The following FREM1 variants were observed in gnomAD, a reference collection of about 807,000 sequenced individuals.
FREM1 encodes the protein FRAS1-related extracellular matrix protein 1.
Under a neutral mutation model 210.1 loss-of-function variants are expected in FREM1, and 220 were observed. The ratio of observed to expected loss-of-function variants is 1.05; its 90% CI spans 0.94 to 1.17. The LOEUF (loss-of-function observed/expected upper bound fraction) is 1.17, where lower values mean the gene tolerates loss of function less well. Ranked by LOEUF, FREM1 falls within the 50% of genes most tolerant of loss-of-function variation. The probability of loss-of-function intolerance (pLI) is 0.00; values close to 1 mark genes in which losing one functional copy is unlikely to be tolerated. For missense variants in FREM1, 3,454 were observed against 2,675.5 expected, an observed-to-expected ratio of 1.29 and a Z score of -6.42; for synonymous variants, 1,189 against 980.2, an observed-to-expected ratio of 1.21 and a Z score of -3.98.
chr9:14,804,891 G>T, intron 19 of FREM1, 65 bp downstream of exon 19: 1 of 1,230,076 alleles, frequency 8.1e-7, no homozygotes, highest in African/African-American at 1.5e-5. Context: ...CAATGTAAAT[G>T]GACTAATTGA....
Position 14,819,442 on chromosome 9 carries a change from C to A in FREM1, c.2338G>T (p.Ala780Ser), listed in dbSNP as rs1564002078. 1 of 1,602,600 alleles carries A rather than the reference C, an allele frequency of 6.2e-7. No individual in the cohort carries two copies. Among genetic ancestry groups the A allele is most frequent in the East Asian group, 2.2e-5 (1 of 44,808 alleles). The part of the protein sequence containing the change: ...ILPVDNQVPE[A>S]FTNPLKVTEG... ...GTCACTTTCAGAGGGTTGGTGAACGCCTAGAAAGAAGAAAGGAAGGAAACA... is the reference window on the plus strand; with the variant it reads ...GTCACTTTCAGAGGGTTGGTGAACGACTAGAAAGAAGAAAGGAAGGAAACA... The change falls in exon 14 of 37, where the codon GCG becomes TCG. Residue 780 changes from alanine (A) to serine (S), a missense_variant and splice_region_variant. Ala to Ser is a moderately conservative substitution (Grantham distance 99). Transcript: ENST00000380880.
intron 16 of FREM1, among the ~76,000 whole-genome samples, chr9:14,811,934 G>C (rs776677179): frequency 6.6e-6 from 1 of 152,120 alleles, no homozygotes; most frequent in Non-Finnish European, 1.5e-5. Context: ...TGAGTAGACA[G>C]GAAATTGCAC....
chr9:14,869,798 G>C (rs1832249325), intron 1 of FREM1, among the ~76,000 whole-genome samples: 1 of 152,180 alleles, frequency 6.6e-6, no homozygotes, highest in Non-Finnish European at 1.5e-5. Flanking sequence ...GGTAATTACA[G>C]AAAATATGCT....
intron 5 of FREM1, among the ~76,000 whole-genome samples, chr9:14,854,791 G>T (rs764099773): frequency 6.6e-6 from 1 of 152,044 alleles, no homozygotes; most frequent in South Asian, 2.1e-4. Context: ...AAGATATAAT[G>T]GGAGAAAAAT....
rs1824646139 is a variant in FREM1, at chr9:14,836,542, C to A, written c.1881+4905G>T. 1.3e-5 allele frequency among the ~76,000 whole-genome samples: 2 copies of A among 152,190 alleles called. No homozygotes were observed. Among genetic ancestry groups the A allele is most frequent in the South Asian group, 2.1e-4 (1 of 4,818 alleles). ...GGCTTCAGCCCTGGGCGGCTACAAT[C>A]CCTCTTTAATAAATTCCAGTCTTCT... On this transcript the variant is annotated intron_variant, in intron 10 of 36. Coordinates refer to ENST00000380880, the MANE Select transcript of FREM1 (RefSeq NM_001379081.2). This position sits in a 1 kb window ranked among gnomAD's most constrained non-coding sequence, Gnocchi z 4.9.
Position 14,857,462 on chromosome 9 carries a change from C to A in FREM1, c.828+91G>T, listed in dbSNP as rs1420410515. On this transcript the variant is annotated intron_variant, in intron 5 of 36. Coordinates refer to ENST00000380880, the MANE Select transcript of FREM1 (RefSeq NM_001379081.2). ...TTACCCCCAAAAGCACAGGAACTCT[C>A]CCTGGCATGGGGGCGAGCATGAGTA... is the stretch of plus-strand genomic sequence containing the variant. The A allele has an allele frequency of 2.7e-6, 3 of 1,107,736 alleles. No individual in the cohort carries two copies. The African/African-American group carries it at 4.6e-5, about 17-fold the overall frequency. 68.6% of individuals were successfully genotyped at this position (1,107,736 alleles called of 1,614,324 possible). A position where few individuals can be genotyped will look rare whatever the true frequency, so the allele number is the denominator to read the frequency against.
At chr9:14,769,892 T>C (rs1301246224) in intron 26 of FREM1, 24 bp from the exon 27 acceptor site, 28 of 1,163,612 alleles carry the variant, frequency 2.4e-5, no homozygotes, top group Non-Finnish European at 3.4e-5. Flanking sequence ...TAAATGAATA[T>C]CATGGGTAAT....
chr9:14,852,061 A>G, intron 5 of FREM1, among the ~76,000 whole-genome samples: 1 of 152,238 alleles, frequency 6.6e-6, no homozygotes, highest in East Asian at 1.9e-4. Flanking sequence ...AAATAGCCAA[A>G]GTAGGCACTT....
In FREM1 at chr9:14,859,351, C is replaced by T; in HGVS notation, c.463G>A (p.Asp155Asn). The change falls in exon 4 of 37, where the codon GAT becomes AAT. Residue 155 changes from aspartate (D) to asparagine (N), a missense_variant. Asp to Asn is a conservative substitution (Grantham distance 23). Coordinates refer to ENST00000380880, the MANE Select transcript of FREM1 (RefSeq NM_001379081.2). ...TAATCGAATCTGAGCAGATTTTTATCAATCGCTTGGGACAAGCCATTGAAT... is the reference window on the plus strand; with the variant it reads ...TAATCGAATCTGAGCAGATTTTTATTAATCGCTTGGGACAAGCCATTGAAT... Reference protein sequence around the residue: ...PEFNGLSQAIDKNLLRFDYDR... With the variant: ...PEFNGLSQAINKNLLRFDYDR... 1 of 1,613,888 alleles carries T rather than the reference C, an allele frequency of 6.2e-7. No individual in the cohort carries two copies. The highest frequency in any genetic ancestry group is 1.1e-5 in the South Asian group (1 of 91,062).
intron 10 of FREM1, among the ~76,000 whole-genome samples, chr9:14,838,192 G>C (rs1306771822): frequency 6.6e-6 from 1 of 152,136 alleles, no homozygotes; most frequent in East Asian, 1.9e-4. Context: ...CATTGTTGTA[G>C]ACAAAATTGG....
chr9:14,763,789 T>C (rs1347965418), intron 27 of FREM1, among the ~76,000 whole-genome samples: 1 of 152,244 alleles, frequency 6.6e-6, no homozygotes, highest in Non-Finnish European at 1.5e-5. Context: ...GCAAGCATGC[T>C]ATCACATTGA....
chr9:14,864,404 G>A (rs965918325), intron 2 of FREM1, among the ~76,000 whole-genome samples: 5 of 151,934 alleles, frequency 3.3e-5, no homozygotes, highest in African/African-American at 1.2e-4. Context: ...ATTCAAAGAT[G>A]AAGCCACTGA....
chr9:14,849,362 T>C (rs1340220474), intron 6 of FREM1, among the ~76,000 whole-genome samples: 3 of 152,222 alleles, frequency 2.0e-5, no homozygotes, highest in African/African-American at 4.8e-5. Flanking sequence ...ACTAGACATA[T>C]TTTTAAATAT....
chr9:14,877,208 C>G (rs1056973955), intron 1 of FREM1, among the ~76,000 whole-genome samples: 1 of 152,032 alleles, frequency 6.6e-6, no homozygotes, highest in Admixed American at 6.6e-5. Context: ...TAATGGACCT[C>G]AAACTTACAC....
chr9:14,830,689 C>T (rs888162608), intron 10 of FREM1, among the ~76,000 whole-genome samples: 4 of 152,156 alleles, frequency 2.6e-5, no homozygotes, highest in African/African-American at 9.7e-5. Flanking sequence ...TGTCTTCTCC[C>T]TTCCTTCTTG....
At chr9:14,763,257 T>A (rs1845825464) in intron 27 of FREM1, among the ~76,000 whole-genome samples, 1 of 152,198 alleles carries the variant, frequency 6.6e-6, no homozygotes, top group African/African-American at 2.4e-5. Context: ...ACCTCTGTCC[T>A]CCTCGCATTA....
chr9:14,841,636 A>G (rs753585742), intron 9 of FREM1, 47 bp from the exon 10 acceptor site: 1 of 1,421,590 alleles, frequency 7.0e-7, no homozygotes, highest in Non-Finnish European at 9.4e-7. Context: ...AGCCTATCAA[A>G]TATCGAGGGA....
chr9:14,835,230 T>C (rs931186459), intron 10 of FREM1, among the ~76,000 whole-genome samples: 1 of 152,258 alleles, frequency 6.6e-6, no homozygotes, highest in African/African-American at 2.4e-5. Flanking sequence ...TATTTTAAAC[T>C]ATTTACAGCC....
At chr9:14,834,929 T>A (rs1476389647) in intron 10 of FREM1, among the ~76,000 whole-genome samples, 1 of 152,198 alleles carries the variant, frequency 6.6e-6, no homozygotes, top group Admixed American at 6.5e-5. Flanking sequence ...ATGTTGCCAT[T>A]CACAGACAAT....
Sources: gnomAD v4.1 joint callset for allele counts (sites outside exome capture counted in the v4.1 genomes callset) on GRCh38, gnomAD v4.1.1 for gene constraint, Gnocchi (gnomAD v3.1) non-coding constraint, MANE v1.5 for transcripts, NCBI Gene and HGNC (gene_info 2026-07-23, HGNC 2026-07-21) for gene names.